Variants in OBI1 observed in about 807,000 individuals in gnomAD.
The protein encoded by OBI1 is ORC ubiquitin ligase 1, also known as ring finger protein 219.
In OBI1, 59 loss-of-function variants were observed where a neutral mutation model predicts 62.4. The ratio of observed to expected loss-of-function variants is 0.95; its 90% CI spans 0.77 to 1.17. The LOEUF (loss-of-function observed/expected upper bound fraction) is 1.17. OBI1 is among the 50% of genes most tolerant of loss of function. The pLI, the probability that OBI1 is intolerant of heterozygous loss-of-function variation, is 0.00. For missense variants in OBI1, 875 were observed against 830.9 expected, an observed-to-expected ratio of 1.05 and a Z score of -0.65; for synonymous variants, 302 against 292.8, an observed-to-expected ratio of 1.03 and a Z score of -0.32.
chr13:78,633,249 T>C (rs990054929), intron 5 of OBI1, among the ~76,000 whole-genome samples: 3 of 152,108 alleles, frequency 2.0e-5, no homozygotes, highest in African/African-American at 7.2e-5. Context: ...TTTGTCAAAG[T>C]AGGACATTAT....
intron 5 of OBI1, among the ~76,000 whole-genome samples, chr13:78,618,079 T>G (rs537633825): frequency 2.6e-5 from 4 of 152,190 alleles, no homozygotes; most frequent in African/African-American, 9.6e-5. Context: ...CCAAGGGACA[T>G]AAAATATCTA....
intron 1 of OBI1, among the ~76,000 whole-genome samples, chr13:78,653,553 CA>C (rs1481440806): frequency 5.3e-5 from 8 of 152,170 alleles, no homozygotes; most frequent in African/African-American, 1.9e-4. Flanking sequence ...TGTGTTCTTT[CA>C]ACTAAGAAAC....
intron 5 of OBI1, 24 bp downstream of exon 5, chr13:78,635,086 T>C (rs763297633): frequency 2.8e-6 from 4 of 1,452,670 alleles, no homozygotes; most frequent in African/African-American, 2.8e-5. Flanking sequence ...ATCTGAAGCA[T>C]TGCTCTGGGA....
chr13:78,614,624 T>C lies in OBI1; in HGVS notation c.*956A>G, dbSNP rs976587361. ...AGCAAAAATGCTACCATGCATAGTT[T>C]CCACAAAGAACAGGAACATGCAAAC... On this transcript the variant is annotated 3_prime_UTR_variant, in exon 6 of 6. Transcript: ENST00000282003. 3 of 152,552 alleles carry C rather than the reference T, an allele frequency of 2.0e-5. No individual in the cohort carries two copies. Among genetic ancestry groups the C allele is most frequent in the African/African-American group, 7.2e-5 (3 of 41,422 alleles). 9.4% of individuals were successfully genotyped at this position (152,552 alleles called of 1,614,324 possible).
rs771557321 is a variant in OBI1, at chr13:78,659,085, G to A, written c.36C>T (p.Leu12=). The A allele has an allele frequency of 6.2e-7, 1 of 1,612,816 alleles. No individual in the cohort carries two copies. Among genetic ancestry groups the A allele is most frequent in the Non-Finnish European group, 8.5e-7 (1 of 1,179,712 alleles). ...AQTVQNVTLS[L]TLPITCHICL... is the part of the protein sequence containing the mutation. Reference sequence around the variant, plus strand: ...AAATGTGGCACGTGATGGGCAGAGTGAGCGACAATGTAACATTCTGCACGG... The same window carrying A: ...AAATGTGGCACGTGATGGGCAGAGTAAGCGACAATGTAACATTCTGCACGG... The change falls in exon 1 of 6, where the codon CTC becomes CTT. Residue 12 remains leucine, a synonymous_variant. Coordinates refer to ENST00000282003, the MANE Select transcript of OBI1 (RefSeq NM_024546.4).
chr13:78,644,333 A>C (rs1420839092), intron 2 of OBI1, among the ~76,000 whole-genome samples: 1 of 152,176 alleles, frequency 6.6e-6, no homozygotes, highest in Non-Finnish European at 1.5e-5. Context: ...CTAAAGTCTC[A>C]ATTTACCTTT....
At chr13:78,658,872 T>A (rs1158081802) in intron 1 of OBI1, among the ~76,000 whole-genome samples, 177 bp downstream of exon 1, 1 of 152,118 alleles carries the variant, frequency 6.6e-6, no homozygotes, top group African/African-American at 2.4e-5. Context: ...AATCCATTAA[T>A]CACGGTGCGC....
intron 5 of OBI1, among the ~76,000 whole-genome samples, chr13:78,625,223 C>A (rs1237655712): frequency 6.6e-6 from 1 of 152,176 alleles, no homozygotes; most frequent in Non-Finnish European, 1.5e-5. Flanking sequence ...AAAGGACTTA[C>A]ATCTTTTCCC....
chr13:78,632,742 G>A (rs1484229414), intron 5 of OBI1, among the ~76,000 whole-genome samples: 1 of 152,128 alleles, frequency 6.6e-6, no homozygotes, highest in Non-Finnish European at 1.5e-5. Flanking sequence ...AATCCCACTA[G>A]GGTTTGGTGA....
intron 1 of OBI1, among the ~76,000 whole-genome samples, chr13:78,645,986 T>C (rs1002288787): frequency 1.3e-5 from 2 of 152,154 alleles, no homozygotes; most frequent in African/African-American, 2.4e-5. Context: ...CACATGCATC[T>C]TTCACCGCCC....
intron 5 of OBI1, among the ~76,000 whole-genome samples, chr13:78,627,803 A>G (rs950186490): frequency 4.6e-5 from 7 of 152,230 alleles, no homozygotes; most frequent in African/African-American, 1.4e-4. Context: ...ACGACACATC[A>G]TGTCAAGGTA....
chr13:78,647,567 G>A (rs113140480), intron 1 of OBI1, among the ~76,000 whole-genome samples: 1 of 152,188 alleles, frequency 6.6e-6, no homozygotes, highest in African/African-American at 2.4e-5. Context: ...CTATCACCCT[G>A]CTCTCCTACT....
At chr13:78,658,952 T>C (rs1336886033) in intron 1 of OBI1, 97 bp downstream of exon 1, 10 of 1,096,406 alleles carry the variant, frequency 9.1e-6, no homozygotes, top group Non-Finnish European at 1.2e-5. Context: ...TCTCCGCGCC[T>C]CACGCCCCTT....
chr13:78,639,525 A>G (rs1370690405), intron 3 of OBI1, among the ~76,000 whole-genome samples: 1 of 151,232 alleles, frequency 6.6e-6, no homozygotes, highest in Non-Finnish European at 1.5e-5. Context: ...TCATGCTGCT[A>G]TAAAGACACA....
chr13:78,616,141 C>T lies in OBI1; in HGVS notation c.1620G>A (p.Glu540=), dbSNP rs1875275681. Residue 540 remains glutamate, a synonymous_variant, in exon 6 of 6, where the codon GAG becomes GAA. Transcript: ENST00000282003. ...CTGACTCTGACATCATTGAATCCAA[C>T]TCAGAGATTTTGTCAAGGTAAGCAG... ...MDAAYLDKIS[E]LDSMMSESDN... 1.9e-6 allele frequency: 3 copies of T among 1,614,164 alleles called. No individual in the cohort carries two copies. In the South Asian group the frequency reaches 3.3e-5, roughly 18 times the overall value.
intron 5 of OBI1, among the ~76,000 whole-genome samples, chr13:78,625,339 T>A (rs1449924160): frequency 2.6e-5 from 4 of 152,224 alleles, no homozygotes; most frequent in Non-Finnish European, 5.9e-5. Context: ...TATCTACCTG[T>A]CTATACATTT....
intron 5 of OBI1, chr13:78,620,783 T>G: frequency 2.6e-6 from 1 of 387,298 alleles, no homozygotes; most frequent in Non-Finnish European, 5.0e-6. Flanking sequence ...AGACCATATT[T>G]TCTCATAGTC....
In OBI1 at chr13:78,616,543, T is replaced by C; in HGVS notation, c.1218A>G (p.Arg406=). The C allele has an allele frequency of 6.2e-7, 1 of 1,614,068 alleles. No individual in the cohort carries two copies. Among genetic ancestry groups the C allele is most frequent in the Non-Finnish European group, 8.5e-7 (1 of 1,180,002 alleles). The change falls in exon 6 of 6, where the codon AGA becomes AGG. Residue 406 remains arginine, a synonymous_variant. Transcript: ENST00000282003. The stretch of plus-strand genomic sequence containing the variant: ...CTCCTGCTTGGACCACAGAGCTCTC[T>C]CTATTTTCTGGAGTACTGAGCTGAA... The part of the protein sequence containing the change: ...SCLQLSTPEN[R]ESSVVQAGGS...
intron 1 of OBI1, among the ~76,000 whole-genome samples, chr13:78,656,792 AT>A (rs869148028): frequency 0.17 from 11,674 of 67,136 alleles, 414 homozygotes; most frequent in Non-Finnish European, 0.22. Flanking sequence ...TTTATTTTTA[AT>A]TTTTTTTTTT....
Sources: gnomAD v4.1 joint callset for allele counts (sites outside exome capture counted in the v4.1 genomes callset) on GRCh38, gnomAD v4.1.1 for gene constraint, MANE v1.5 for transcripts, NCBI Gene and HGNC (gene_info 2026-07-23, HGNC 2026-07-21) for gene names.